Variants in ACTR5 observed in about 807,000 individuals in gnomAD.
The protein encoded by ACTR5 is actin-related protein 5.
ACTR5 carries 43 observed loss-of-function variants against 61.2 expected under a neutral mutation model. The observed-to-expected ratio is 0.70, with a 90% CI of 0.55 to 0.91. ACTR5 has a LOEUF of 0.91. Ranked by LOEUF, ACTR5 falls within the 40% of genes least tolerant of loss-of-function variation. The pLI is 0.00. For missense variants in ACTR5, 798 were observed against 782.2 expected, an observed-to-expected ratio of 1.02 and a Z score of -0.24; for synonymous variants, 333 against 310.5, an observed-to-expected ratio of 1.07 and a Z score of -0.76.
intron 4 of ACTR5, 141 bp from the exon 5 acceptor site, chr20:38,755,716 C>G: frequency 1.3e-6 from 1 of 755,388 alleles, no homozygotes; most frequent in South Asian, 1.6e-5. Flanking sequence ...AGGTGGGCAG[C>G]TGTGTGAAAC....
At chr20:38,763,691 GCCA>G (rs1263359887) in intron 5 of ACTR5, among the ~76,000 whole-genome samples, 3 of 152,198 alleles carry the variant, frequency 2.0e-5, no homozygotes, top group African/African-American at 7.2e-5. Flanking sequence ...ACCTCTCTGA[GCCA>G]TAGCATCCTC....
intron 1 of ACTR5, 91 bp downstream of exon 1, chr20:38,748,944 C>T (rs764415515): frequency 6.9e-7 from 1 of 1,453,526 alleles, no homozygotes; most frequent in Non-Finnish European, 9.2e-7. Context: ...AGGTAACAGT[C>T]ACTTCAGTAG....
chr20:38,770,472 T>G (rs1235445223), intron 8 of ACTR5, among the ~76,000 whole-genome samples: 3 of 152,246 alleles, frequency 2.0e-5, no homozygotes, highest in African/African-American at 7.2e-5. Context: ...AAGAGATTGG[T>G]GATAGCTTAT....
chr20:38,769,950 GA>G (rs892334257), intron 8 of ACTR5, among the ~76,000 whole-genome samples: 1 of 152,026 alleles, frequency 6.6e-6, no homozygotes, highest in African/African-American at 2.4e-5. Flanking sequence ...AAGTAGTAGA[GA>G]AAAAAATCGT....
Position 38,750,171 on chromosome 20 carries a change from G to A in ACTR5, c.537G>A (p.Ser179=). 3.1e-6 allele frequency: 5 copies of A among 1,614,210 alleles called. No individual in the cohort carries two copies. Among genetic ancestry groups the A allele is most frequent in the Non-Finnish European group, 4.2e-6 (5 of 1,180,032 alleles). ...FSFYHNKPKN[S]MCSGLIISSG... Reference sequence around the variant, plus strand: ...TCTACCACAATAAGCCAAAGAACTCGATGTGCAGTGGGCTAATCATTTCAT... The same window carrying A: ...TCTACCACAATAAGCCAAAGAACTCAATGTGCAGTGGGCTAATCATTTCAT... Residue 179 remains serine, a synonymous_variant, in exon 2 of 9, where the codon TCG becomes TCA. Transcript: ENST00000243903.
In ACTR5 at chr20:38,771,972, A is replaced by G. The variant is rs2145680726; in HGVS notation, c.*156A>G. ...CCTGGGGAGAACAAAGTTAAGGGAC[A>G]CTGAGACCTGCCCTTCAGAATTCGG... On this transcript the variant is annotated 3_prime_UTR_variant, in exon 9 of 9. Coordinates refer to ENST00000243903, the MANE Select transcript of ACTR5 (RefSeq NM_024855.4). 1 of 1,056,716 alleles carries G rather than the reference A, an allele frequency of 9.5e-7. No homozygotes were observed. Among genetic ancestry groups the G allele is most frequent in the South Asian group, 1.7e-5 (1 of 59,762 alleles). 65.5% of individuals were successfully genotyped at this position (1,056,716 alleles called of 1,614,324 possible). A position where few individuals can be genotyped will look rare whatever the true frequency, so the allele number is the denominator to read the frequency against.
At chr20:38,768,381 T>C (rs1821059215) in intron 8 of ACTR5, among the ~76,000 whole-genome samples, 3 of 152,160 alleles carry the variant, frequency 2.0e-5, no homozygotes. Flanking sequence ...ACTCAGCTTG[T>C]AATCCTACTT....
rs773048596 is a variant in ACTR5 at position 38,748,768 on chromosome 20, C to T, written c.290C>T (p.Pro97Leu). Residue 97 changes from proline (P) to leucine (L), a missense_variant, in exon 1 of 9, where the codon CCC becomes CTC. Coordinates refer to ENST00000243903, the MANE Select transcript of ACTR5 (RefSeq NM_024855.4). ...LEPLRWMLRS[P>L]FDRNVPVNLE... ...CCACTGCGCTGGATGCTGCGCTCGC[C>T]CTTCGACCGCAACGTGCCGGTCAAC... 2 of 1,605,836 alleles carry T rather than the reference C, an allele frequency of 1.2e-6. No individual in the cohort carries two copies. The highest frequency in any genetic ancestry group is 1.7e-6 in the Non-Finnish European group (2 of 1,177,666).
rs376799023 is a variant in ACTR5 at position 38,755,956 on chromosome 20, A to G, written c.1093A>G (p.Ser365Gly). Residue 365 changes from serine (S) to glycine (G), a missense_variant, in exon 5 of 9, where the codon AGT becomes GGT. Physicochemically the swap from Ser to Gly is moderately conservative, Grantham distance 56. Transcript: ENST00000243903. ...EELQSYIQKL[S>G]IAVEQAKQKI... ...GCTGCAGTCCTACATCCAGAAGCTC[A>G]GTATAGCAGTGGAGCAGGCTAAGCA... 257 of 1,614,044 alleles carry G rather than the reference A, an allele frequency of 1.6e-4. No homozygotes were observed. Among genetic ancestry groups the G allele is most frequent in the Non-Finnish European group, 2.2e-4 (254 of 1,180,014 alleles).
At position 38,771,624 on chromosome 20, in the gene ACTR5, C is replaced by T. The variant is rs537754375; in HGVS notation, c.1632C>T (p.His544=). The change falls in exon 9 of 9, where the codon CAC becomes CAT. Residue 544 remains histidine (H), a synonymous_variant. Coordinates refer to ENST00000243903, the MANE Select transcript of ACTR5 (RefSeq NM_024855.4). ...WYGARDWALN[H]LDDNEVWITR... is the part of the protein sequence containing the mutation. ...GTGCTCGTGACTGGGCCTTGAACCA[C>T]CTAGATGATAATGAAGTTTGGATCA... 39 of 1,614,126 alleles carry T rather than the reference C, an allele frequency of 2.4e-5. No individual in the cohort carries two copies. In the South Asian group the frequency reaches 4.0e-4, roughly 16 times the overall value.
rs930040659 is a variant in ACTR5, at chr20:38,766,227, G to C, written c.1294-11G>C. ...GCCTAAAAATATCTTTTAAACCTTGGGTTTTTAAAGCCCGTGTTTAACTTG... is the reference window on the plus strand; with the variant it reads ...GCCTAAAAATATCTTTTAAACCTTGCGTTTTTAAAGCCCGTGTTTAACTTG... On this transcript the variant is annotated splice_polypyrimidine_tract_variant and intron_variant, in intron 6 of 8. Transcript: ENST00000243903. 1.9e-6 allele frequency: 3 copies of C among 1,600,882 alleles called. No homozygotes were observed. The highest frequency in any genetic ancestry group is 1.7e-6 in the Non-Finnish European group (2 of 1,176,320).
intron 3 of ACTR5, among the ~76,000 whole-genome samples, chr20:38,753,920 C>G (rs958904342): frequency 2.7e-5 from 3 of 110,618 alleles, no homozygotes; most frequent in Admixed American, 9.5e-5. Context: ...GTTTTTTACT[C>G]TACCTTTTTA....
chr20:38,750,057 A>T lies in ACTR5; in HGVS notation c.423A>T (p.Pro141=), dbSNP rs145229396. 6.2e-7 allele frequency: 1 copy of T among 1,614,202 alleles called. No individual in the cohort carries two copies. The highest frequency in any genetic ancestry group is 8.5e-7 in the Non-Finnish European group (1 of 1,180,030). Residue 141 remains proline, a synonymous_variant, in exon 2 of 9, where the codon CCA becomes CCT. Coordinates refer to ENST00000243903, the MANE Select transcript of ACTR5 (RefSeq NM_024855.4). ...PIVLTEAVCN[P]LYSRQMMSEL... ...TTTTGACAGAAGCTGTGTGCAACCCACTGTATTCACGGCAAATGATGTCTG... is the reference window on the plus strand; with the variant it reads ...TTTTGACAGAAGCTGTGTGCAACCCTCTGTATTCACGGCAAATGATGTCTG...
At chr20:38,765,321 G>A in intron 5 of ACTR5, 81 bp from the exon 6 acceptor site, 1 of 977,906 alleles carries the variant, frequency 1.0e-6, no homozygotes, top group Non-Finnish European at 1.6e-6. Flanking sequence ...CAAGATCCCA[G>A]TTCTTTTTTG....
intron 3 of ACTR5, among the ~76,000 whole-genome samples, chr20:38,753,393 A>G (rs897084398): frequency 6.6e-6 from 1 of 152,100 alleles, no homozygotes; most frequent in African/African-American, 2.4e-5. Context: ...GATACACTCA[A>G]CAACTTGAAT....
chr20:38,767,641 C>A, intron 8 of ACTR5, 45 bp downstream of exon 8: 2 of 1,555,408 alleles, frequency 1.3e-6, no homozygotes, highest in South Asian at 1.2e-5. Context: ...ATAGCATTAC[C>A]TGTTTTCTGA....
chr20:38,756,237 G>A lies in ACTR5; in HGVS notation c.1176+198G>A, dbSNP rs1429931837. ...TCACCCTGTAGATCCCCGGACCCCT[G>A]AGCGCAGAAAGTGCATTTAACGTAG... On this transcript the variant is annotated intron_variant, in intron 5 of 8. Transcript: ENST00000243903. Among the ~76,000 whole-genome samples, 16 of 152,320 alleles carry A rather than the reference G, an allele frequency of 1.1e-4. No individual in the cohort carries two copies. The East Asian group carries it at 3.1e-3, about 29-fold the overall frequency.
chr20:38,770,892 C>T (rs907582861), intron 8 of ACTR5, among the ~76,000 whole-genome samples: 5 of 152,088 alleles, frequency 3.3e-5, no homozygotes, highest in African/African-American at 1.2e-4. Flanking sequence ...TAACCTGGAA[C>T]TCATGGGATT....
chr20:38,765,892 G>T (rs540782578), intron 6 of ACTR5, among the ~76,000 whole-genome samples: 1 of 152,310 alleles, frequency 6.6e-6, no homozygotes, highest in East Asian at 1.9e-4. Context: ...CTGAGTCTGA[G>T]ACCCACCTGG....
Sources: allele counts gnomAD v4.1 joint callset (sites outside exome capture counted in the v4.1 genomes callset), GRCh38; gene constraint gnomAD v4.1.1; transcripts MANE v1.5; gene names NCBI Gene and HGNC (gene_info 2026-07-23, HGNC 2026-07-21).